Variants in THAP12 observed in about 807,000 individuals in gnomAD.
THAP12 encodes THAP domain containing 12, also known as 52 kDa repressor of the inhibitor of the protein kinase.
In THAP12, 20 loss-of-function variants were observed where a neutral mutation model predicts 63.0. That is an observed-to-expected ratio of 0.32 (90% CI 0.22 to 0.46). The LOEUF (loss-of-function observed/expected upper bound fraction) is 0.46, where lower values mean the gene tolerates loss of function less well. Ranked by LOEUF, THAP12 falls within the 20% of genes least tolerant of loss-of-function variation. THAP12 has a pLI of 1.00. For missense variants in THAP12, 568 were observed against 908.2 expected (o/e 0.63, Z 4.81); for synonymous variants, 264 against 328.4 (o/e 0.80, Z 2.12).
intron 3 of THAP12, chr11:76,358,986 A>G (rs1210687261): frequency 1.3e-5 from 2 of 152,226 alleles, no homozygotes; most frequent in African/African-American, 4.8e-5. Context: ...GGCAACAGAA[A>G]AAATTAAAAT....
chr11:76,366,054 T>G (rs1946628489), intron 1 of THAP12, 82 bp from the exon 2 acceptor site: 3 of 1,441,622 alleles, frequency 2.1e-6, no homozygotes, highest in Non-Finnish European at 2.8e-6. Context: ...AAACATACAT[T>G]AATAACAACG....
rs751932256 is a variant in THAP12, at chr11:76,352,470, G to A, written c.680C>T (p.Thr227Met). The change falls in exon 5 of 5, where the codon ACG becomes ATG. Residue 227 changes from threonine (T) to methionine (M), a missense_variant. Physicochemically the swap from Thr to Met is moderately conservative, Grantham distance 81. Transcript: ENST00000260045. Reference sequence around the variant, plus strand: ...CTGCTGTGTTTTTGAACAAAACAACGTGTTAACTGCTGTTGTCTCAAACCG... The same window carrying A: ...CTGCTGTGTTTTTGAACAAAACAACATGTTAACTGCTGTTGTCTCAAACCG... ...RKRFETTAVN[T>M]LFCSKTQQRQ... 2.0e-5 allele frequency: 33 copies of A among 1,611,968 alleles called. No homozygotes were observed. Among genetic ancestry groups the A allele is most frequent in the South Asian group, 1.3e-4 (12 of 90,992 alleles).
At position 76,352,469 on chromosome 11, in the gene THAP12, C is replaced by T. The variant is rs764857726; in HGVS notation, c.681G>A (p.Thr227=). The part of the protein sequence containing the change: ...RKRFETTAVN[T]LFCSKTQQRQ... ...TCTGCTGTGTTTTTGAACAAAACAA[C>T]GTGTTAACTGCTGTTGTCTCAAACC... Residue 227 remains threonine (T), a synonymous_variant, in exon 5 of 5, where the codon ACG becomes ACA. Coordinates refer to ENST00000260045, the MANE Select transcript of THAP12 (RefSeq NM_004705.4). The T allele has an allele frequency of 1.1e-5, 18 of 1,611,986 alleles. No individual in the cohort carries two copies. The South Asian group carries it at 1.3e-4, about 12-fold the overall frequency.
chr11:76,364,325 G>A lies in THAP12; in HGVS notation c.210+1527C>T, dbSNP rs377581082. ...ATATTTGTGATTAAACTGTTGAACC[G>A]GAATTGGCTCACCTCCCAATGACTT... On this transcript the variant is annotated intron_variant, in intron 2 of 4. Coordinates refer to ENST00000260045, the MANE Select transcript of THAP12 (RefSeq NM_004705.4). The A allele has an allele frequency of 4.3e-5, 14 of 324,090 alleles. No homozygotes were observed. The Middle Eastern group carries it at 1.4e-3, about 32-fold the overall frequency. 20.1% of individuals were successfully genotyped at this position (324,090 alleles called of 1,614,324 possible).
At chr11:76,374,405 A>G (rs756939788) in intron 1 of THAP12, among the ~76,000 whole-genome samples, 1 of 150,834 alleles carries the variant, frequency 6.6e-6, no homozygotes, top group Non-Finnish European at 1.5e-5. Flanking sequence ...AAAAAAACAC[A>G]TCAGTATCAT....
intron 1 of THAP12, among the ~76,000 whole-genome samples, chr11:76,367,315 A>T (rs1244742745): frequency 6.6e-6 from 1 of 152,224 alleles, no homozygotes; most frequent in East Asian, 1.9e-4. Flanking sequence ...ACCTCAGGTG[A>T]TCTGCCCGCC....
chr11:76,380,883 C>T lies in THAP12; in HGVS notation c.-47G>A. Reference sequence around the variant, plus strand: ...CCCAGCCCTCCCCTCCCCGCCTCCTCAGGGCAGTCCGCCCGCCCGTCGGGG... The same window carrying T: ...CCCAGCCCTCCCCTCCCCGCCTCCTTAGGGCAGTCCGCCCGCCCGTCGGGG... On this transcript the variant is annotated 5_prime_UTR_variant, in exon 1 of 5. Coordinates refer to ENST00000260045, the MANE Select transcript of THAP12 (RefSeq NM_004705.4). 8.1e-7 allele frequency: 1 copy of T among 1,239,540 alleles called. No individual in the cohort carries two copies. Among genetic ancestry groups the T allele is most frequent in the Non-Finnish European group, 1.0e-6 (1 of 969,080 alleles). The allele number at this position is 1,239,540 out of a possible 1,614,324, so 76.8% of individuals were successfully genotyped here.
chr11:76,363,369 C>CA (rs1946610658), intron 2 of THAP12, among the ~76,000 whole-genome samples: 1 of 145,298 alleles, frequency 6.9e-6, no homozygotes, highest in Admixed American at 6.9e-5. Context: ...CTGATGAAAT[C>CA]TTTTTTTTTT....
At chr11:76,366,328 T>C (rs996552746) in intron 1 of THAP12, among the ~76,000 whole-genome samples, 4 of 152,112 alleles carry the variant, frequency 2.6e-5, no homozygotes, top group Admixed American at 2.0e-4. Context: ...GGCTCACAGC[T>C]TAACATTCCC....
At position 76,352,190 on chromosome 11, in the gene THAP12, T is replaced by G; in HGVS notation, c.960A>C (p.Leu320Phe). ...FHTMITEKWG[L>F]NMEYCRGQAY... ...CCTGGCCACGACAATACTCCATATT[T>G]AATCCCCACTTCTCAGTTATCATAG... Residue 320 changes from leucine (L) to phenylalanine (F), a missense_variant, in exon 5 of 5, where the codon TTA becomes TTC. Coordinates refer to ENST00000260045, the MANE Select transcript of THAP12 (RefSeq NM_004705.4). 1.2e-6 allele frequency: 2 copies of G among 1,610,244 alleles called. No individual in the cohort carries two copies. The highest frequency in any genetic ancestry group is 1.7e-6 in the Non-Finnish European group (2 of 1,178,932).
intron 1 of THAP12, among the ~76,000 whole-genome samples, chr11:76,368,133 C>T (rs991982926): frequency 1.3e-5 from 2 of 152,086 alleles, no homozygotes; most frequent in East Asian, 1.9e-4. Flanking sequence ...TACATATTAC[C>T]TCCGAACTAA....
intron 2 of THAP12, among the ~76,000 whole-genome samples, chr11:76,362,111 C>A (rs1946601593): frequency 1.3e-5 from 2 of 152,136 alleles, no homozygotes; most frequent in African/African-American, 2.4e-5. Context: ...GAGTAAAAGA[C>A]AAGAAGCTTA....
rs190211990 is a variant in THAP12 at position 76,374,622 on chromosome 11, C to T, written c.89+6126G>A. On this transcript the variant is annotated intron_variant, in intron 1 of 4. Transcript: ENST00000260045. Reference sequence around the variant, plus strand: ...TTAGAAAATTCTAGAAAACACAACACAAAATTTATCAAAGCAATGATGCCA... The same window carrying T: ...TTAGAAAATTCTAGAAAACACAACATAAAATTTATCAAAGCAATGATGCCA... Among the ~76,000 whole-genome samples the T allele has an allele frequency of 3.3e-5, 5 of 152,284 alleles. No homozygotes were observed. The East Asian group carries it at 7.7e-4, about 23-fold the overall frequency.
intron 3 of THAP12, chr11:76,359,077 T>C (rs1187885426): frequency 6.6e-6 from 1 of 152,210 alleles, no homozygotes; most frequent in Non-Finnish European, 1.5e-5. Context: ...GAAGACTTAC[T>C]AGGATTAACT....
intron 2 of THAP12, among the ~76,000 whole-genome samples, chr11:76,361,680 T>A (rs1214885641): frequency 6.6e-6 from 1 of 152,234 alleles, no homozygotes; most frequent in African/African-American, 2.4e-5. Flanking sequence ...ATTATTCACA[T>A]ACTAATGATC....
chr11:76,350,582 G>C lies in THAP12; in HGVS notation c.*282C>G. 8.3e-6 allele frequency: 2 copies of C among 241,766 alleles called. 1 individual carries two copies. The highest frequency in any genetic ancestry group is 1.6e-5 in the Non-Finnish European group (2 of 127,382). The allele number at this position is 241,766 out of a possible 1,614,324, so 15.0% of individuals were successfully genotyped here. ...GTAGAGATCCACAGTGATAATAAATGCTATGTCTAAAATGACTTAACTGAA... is the reference window on the plus strand; with the variant it reads ...GTAGAGATCCACAGTGATAATAAATCCTATGTCTAAAATGACTTAACTGAA... On this transcript the variant is annotated 3_prime_UTR_variant, in exon 5 of 5. Transcript: ENST00000260045.
At chr11:76,355,560 C>G (rs1212365801) in intron 4 of THAP12, 58 bp downstream of exon 4, 8 of 1,440,298 alleles carry the variant, frequency 5.6e-6, no homozygotes, top group Non-Finnish European at 6.6e-6. Context: ...TTGTCCTTAC[C>G]AGGTCAAGGC....
chr11:76,363,161 T>A (rs965908643), intron 2 of THAP12, among the ~76,000 whole-genome samples: 5 of 151,710 alleles, frequency 3.3e-5, no homozygotes, highest in East Asian at 1.9e-4. Flanking sequence ...ATAATAATAA[T>A]AAAAAATATA....
chr11:76,358,146 C>A (rs534865965), intron 3 of THAP12: 2 of 151,746 alleles, frequency 1.3e-5, no homozygotes, highest in Admixed American at 1.3e-4. Context: ...CCAAGTTCTA[C>A]CTTACTTTCA....
Sources: allele counts gnomAD v4.1 joint callset (sites outside exome capture counted in the v4.1 genomes callset), GRCh38; gene constraint gnomAD v4.1.1; transcripts MANE v1.5; gene names NCBI Gene and HGNC (gene_info 2026-07-23, HGNC 2026-07-21).